Variants in PALM2AKAP2 observed in about 807,000 individuals in gnomAD.
PALM2AKAP2 encodes PALM2 and AKAP2 fusion, also known as PALM2-AKAP2 fusion protein.
PALM2AKAP2 carries 37 observed loss-of-function variants against 71.5 expected under a neutral mutation model. The observed-to-expected ratio is 0.52, with a 90% CI of 0.40 to 0.68. The LOEUF is 0.68. Among genes scored for constraint, PALM2AKAP2 ranks in the 30% least tolerant of loss-of-function variants. PALM2AKAP2 has a pLI of 0.00. For missense variants in PALM2AKAP2, 1,224 were observed against 1,191.8 expected, an observed-to-expected ratio of 1.03 and a Z score of -0.40; for synonymous variants, 468 against 478.8, an observed-to-expected ratio of 0.98 and a Z score of 0.29.
At chr9:109,924,948 A>C in intron 4 of PALM2AKAP2, 113 bp from the exon 5 acceptor site, 1 of 1,510,272 alleles carries the variant, frequency 6.6e-7, no homozygotes, top group Non-Finnish European at 9.1e-7. Context: ...CAGCACAGTC[A>C]AATTCTGGGC....
chr9:109,721,663 G>C (rs1828406511), intron 1 of PALM2AKAP2, among the ~76,000 whole-genome samples: 1 of 152,024 alleles, frequency 6.6e-6, no homozygotes, highest in African/African-American at 2.4e-5. Context: ...TAATCTCCCT[G>C]GTTCTTTAAC....
intron 1 of PALM2AKAP2, among the ~76,000 whole-genome samples, chr9:109,693,909 T>C (rs1406193595): frequency 6.6e-6 from 1 of 152,050 alleles, no homozygotes; most frequent in Non-Finnish European, 1.5e-5. Flanking sequence ...ATTCTGCCAG[T>C]TCTGAGTAGT....
chr9:109,679,539 T>C (rs1043147761), intron 1 of PALM2AKAP2, among the ~76,000 whole-genome samples: 1 of 152,200 alleles, frequency 6.6e-6, no homozygotes, highest in African/African-American at 2.4e-5. Flanking sequence ...AGAAAGTAAT[T>C]GAACTTCTGG....
chr9:110,124,958 T>A lies in PALM2AKAP2; in HGVS notation c.157-11169T>A, dbSNP rs575204750. Among the ~76,000 whole-genome samples the A allele has an allele frequency of 2.6e-3, 390 of 152,294 alleles. 1 individual carries two copies. The highest frequency in any genetic ancestry group is 4.0e-3 in the Non-Finnish European group (272 of 68,022). ...ATATGTATTTCTGAGAAGATGACAATGGAATGAAATAAAATATTAACTTTT... is the reference window on the plus strand; with the variant it reads ...ATATGTATTTCTGAGAAGATGACAAAGGAATGAAATAAAATATTAACTTTT... On this transcript the variant is annotated intron_variant, in intron 1 of 3. Transcript: ENST00000374525.
intron 1 of PALM2AKAP2, among the ~76,000 whole-genome samples, chr9:109,699,503 T>A (rs1002436034): frequency 1.3e-5 from 2 of 152,248 alleles, no homozygotes; most frequent in Non-Finnish European, 2.9e-5. Flanking sequence ...CAAAATTAGA[T>A]GATTAAATTT....
chr9:110,087,313 G>A (rs894040026), intron 1 of PALM2AKAP2, among the ~76,000 whole-genome samples: 2 of 152,276 alleles, frequency 1.3e-5, no homozygotes, highest in South Asian at 2.1e-4. Flanking sequence ...CTGATGTGTC[G>A]GAGAGGCCCC....
At chr9:109,995,826 A>G (rs1832566550) in intron 6 of PALM2AKAP2, among the ~76,000 whole-genome samples, 1 of 152,216 alleles carries the variant, frequency 6.6e-6, no homozygotes, top group Admixed American at 6.5e-5. Context: ...CTGAAAAATA[A>G]TGATGGTCAT....
chr9:109,697,736 A>ATCT (rs1827993573), intron 1 of PALM2AKAP2, among the ~76,000 whole-genome samples: 1 of 152,190 alleles, frequency 6.6e-6, no homozygotes, highest in African/African-American at 2.4e-5. Context: ...ATATCTTAAG[A>ATCT]ATTATCTCTG....
chr9:110,084,635 G>A (rs939535149), intron 1 of PALM2AKAP2, among the ~76,000 whole-genome samples: 1 of 152,128 alleles, frequency 6.6e-6, no homozygotes, highest in African/African-American at 2.4e-5. Flanking sequence ...CCATGTAAAT[G>A]CTGTGTAAAT....
chr9:109,899,355 C>A (rs946982381), intron 3 of PALM2AKAP2, among the ~76,000 whole-genome samples: 2 of 152,124 alleles, frequency 1.3e-5, no homozygotes, highest in Non-Finnish European at 2.9e-5. Context: ...TAAAAGGATT[C>A]TTGATTCCTT....
chr9:109,776,084 C>G (rs1297261036), upstream of PALM2AKAP2, among the ~76,000 whole-genome samples: 1 of 152,166 alleles, frequency 6.6e-6, no homozygotes, highest in African/African-American at 2.4e-5. Context: ...CAAATAGTCA[C>G]CAATATCATT....
At chr9:109,891,519 C>G (rs1020414174) in intron 3 of PALM2AKAP2, among the ~76,000 whole-genome samples, 1 of 152,060 alleles carries the variant, frequency 6.6e-6, no homozygotes, top group Non-Finnish European at 1.5e-5. Context: ...GAGTCTCACT[C>G]ACTCTGTAGC....
intron 1 of PALM2AKAP2, among the ~76,000 whole-genome samples, chr9:109,846,631 C>T (rs73535549): frequency 6.6e-6 from 1 of 152,192 alleles, no homozygotes; most frequent in Non-Finnish European, 1.5e-5. Context: ...GCCTTAATCC[C>T]TTCATCTGCA....
chr9:109,926,955 G>A (rs1246207667), intron 5 of PALM2AKAP2, among the ~76,000 whole-genome samples: 4 of 152,164 alleles, frequency 2.6e-5, no homozygotes, highest in Admixed American at 2.0e-4. Context: ...CATTTGTAGA[G>A]GTGGTAAGAA....
intron 1 of PALM2AKAP2, among the ~76,000 whole-genome samples, chr9:109,787,352 T>C (rs1331835265): frequency 6.6e-6 from 1 of 152,234 alleles, no homozygotes; most frequent in African/African-American, 2.4e-5. Context: ...TCATAACTTA[T>C]GCATCTTTAA....
intron 1 of PALM2AKAP2, among the ~76,000 whole-genome samples, chr9:110,107,069 T>TGG (rs1221223630): frequency 6.6e-6 from 1 of 152,192 alleles, no homozygotes; most frequent in Admixed American, 6.5e-5. Context: ...CATTATCTAT[T>TGG]GGGGATATAT....
At chr9:109,970,678 G>A (rs1297635988) in intron 6 of PALM2AKAP2, among the ~76,000 whole-genome samples, 1 of 152,208 alleles carries the variant, frequency 6.6e-6, no homozygotes, top group Non-Finnish European at 1.5e-5. Context: ...TGAGTTAATA[G>A]CTCACAGCCT....
chr9:109,913,525 C>T (rs1416920017), intron 3 of PALM2AKAP2, among the ~76,000 whole-genome samples: 1 of 152,118 alleles, frequency 6.6e-6, no homozygotes, highest in Non-Finnish European at 1.5e-5. Context: ...CGTTGATTAG[C>T]AGTAATGAAT....
intron 7 of PALM2AKAP2, chr9:110,025,336 C>A (rs1833157766): frequency 8.5e-7 from 1 of 1,181,838 alleles, no homozygotes; most frequent in Non-Finnish European, 1.2e-6. Context: ...GGAGCCTCTC[C>A]TCTTTCCCTT....
Sources: gnomAD v4.1 joint callset for allele counts (sites outside exome capture counted in the v4.1 genomes callset) on GRCh38, gnomAD v4.1.1 for gene constraint, MANE v1.5 for transcripts, NCBI Gene and HGNC (gene_info 2026-07-23, HGNC 2026-07-21) for gene names.